The following AHCY variants were observed in gnomAD, a reference collection of about 807,000 sequenced individuals.
AHCY encodes the protein adenosylhomocysteinase.
A neutral mutation model predicts 45.4 loss-of-function variants in AHCY; 24 were observed. The observed-to-expected ratio is 0.53, with a 90% CI of 0.38 to 0.74. AHCY has a LOEUF of 0.74. Ranked by LOEUF, AHCY falls within the 30% of genes least tolerant of loss-of-function variation. The pLI is 0.00. For missense variants in AHCY, 449 were observed against 594.1 expected, an observed-to-expected ratio of 0.76 and a Z score of 2.54; for synonymous variants, 245 against 235.1, an observed-to-expected ratio of 1.04 and a Z score of -0.39.
chr20:34,258,832 T>TTA, the AHCY span, among the ~76,000 whole-genome samples: 2 of 120,320 alleles, frequency 1.7e-5, no homozygotes, highest in Non-Finnish European at 3.4e-5. Context: ...ATATATAGTA[T>TTA]TATATATATA....
In AHCY at chr20:34,292,313, C is replaced by T. The variant is rs745484768; in HGVS notation, c.445+45G>A. The T allele has an allele frequency of 2.5e-6, 4 of 1,601,374 alleles. No individual in the cohort carries two copies. In the Admixed American group the frequency reaches 6.8e-5, roughly 27 times the overall value. ...GGCCATCATGTGGGCAAACAGGCCCCACCCAGGCCACCAGCACCCAGCCCA... is the reference window on the plus strand; with the variant it reads ...GGCCATCATGTGGGCAAACAGGCCCTACCCAGGCCACCAGCACCCAGCCCA... On this transcript the variant is annotated intron_variant, in intron 4 of 9. Coordinates refer to ENST00000217426, the MANE Select transcript of AHCY (RefSeq NM_000687.4).
the AHCY span, among the ~76,000 whole-genome samples, chr20:34,263,420 C>A: frequency 4.6e-5 from 7 of 151,926 alleles, no homozygotes; most frequent in Non-Finnish European, 7.4e-5. Flanking sequence ...CAAAAATTAG[C>A]CAGGCGTGGT....
At chr20:34,245,936 C>T in the AHCY span, 14 of 1,526,828 alleles carry the variant, frequency 9.2e-6, no homozygotes, top group East Asian at 3.1e-4. Flanking sequence ...CCATTAAATA[C>T]AGACAAATTT....
At chr20:34,267,075 A>G in the AHCY span, among the ~76,000 whole-genome samples, 13 of 152,334 alleles carry the variant, frequency 8.5e-5, no homozygotes, top group East Asian at 2.5e-3. Context: ...AGATGAGATT[A>G]TTGACAGATA....
chr20:34,305,007 A>G, upstream of AHCY, among the ~76,000 whole-genome samples: 1 of 150,986 alleles, frequency 6.6e-6, no homozygotes, highest in Non-Finnish European at 1.5e-5. Flanking sequence ...TTTTTAACCT[A>G]AAAATGAGAA....
chr20:34,252,669 C>T, the AHCY span, among the ~76,000 whole-genome samples: 3 of 152,184 alleles, frequency 2.0e-5, no homozygotes, highest in African/African-American at 4.8e-5. Context: ...CCCTCTTTCA[C>T]TACTCCCCCT....
the AHCY span, chr20:34,269,139 C>T: frequency 6.5e-7 from 1 of 1,549,904 alleles, no homozygotes; most frequent in Non-Finnish European, 8.7e-7. Context: ...AGCGCCTGCT[C>T]CTGCCGCGTG....
chr20:34,269,636 G>GA, the AHCY span, among the ~76,000 whole-genome samples: 124 of 146,986 alleles, frequency 8.4e-4, 1 homozygote, highest in East Asian at 6.8e-3. Context: ...CTCCCCAGGG[G>GA]AAAAAAAAAA....
At chr20:34,262,972 C>G in the AHCY span, 18 of 1,517,004 alleles carry the variant, frequency 1.2e-5, no homozygotes, top group Middle Eastern at 3.4e-4. Flanking sequence ...CAACCTCTGG[C>G]TAGGAACTAA....
the AHCY span, chr20:34,246,381 G>T: frequency 7.0e-7 from 1 of 1,434,512 alleles, no homozygotes; most frequent in Non-Finnish European, 9.6e-7. Context: ...TCTAACCATT[G>T]TTTACAATGA....
the AHCY span, among the ~76,000 whole-genome samples, chr20:34,236,232 T>A: frequency 1.3e-5 from 2 of 152,096 alleles, no homozygotes; most frequent in African/African-American, 2.4e-5. Flanking sequence ...TCTAGGTGGT[T>A]TAAATGATTC....
the AHCY span, among the ~76,000 whole-genome samples, chr20:34,262,392 G>A: frequency 2.0e-5 from 3 of 152,206 alleles, no homozygotes; most frequent in African/African-American, 7.2e-5. Flanking sequence ...CCTGGCTCCA[G>A]AGCTCTCAGG....
At chr20:34,249,497 T>C in the AHCY span, among the ~76,000 whole-genome samples, 85 of 152,290 alleles carry the variant, frequency 5.6e-4, no homozygotes, top group East Asian at 0.016. Context: ...ATGATCAGTG[T>C]CAACTTTCTC....
the AHCY span, among the ~76,000 whole-genome samples, chr20:34,258,690 T>TATATATAC: frequency 1.4e-5 from 1 of 72,326 alleles, no homozygotes; most frequent in African/African-American, 7.4e-5. Flanking sequence ...TATATATATA[T>TATATATAC]ACATACTATA....
chr20:34,276,164 G>A (rs1206346779), downstream of AHCY, among the ~76,000 whole-genome samples: 2 of 152,174 alleles, frequency 1.3e-5, no homozygotes, highest in African/African-American at 2.4e-5. Flanking sequence ...CAGGCACAGA[G>A]GCAAATTCTA....
the AHCY span, among the ~76,000 whole-genome samples, chr20:34,250,863 G>T: frequency 6.6e-6 from 1 of 152,048 alleles, no homozygotes; most frequent in Non-Finnish European, 1.5e-5. Flanking sequence ...ATCCCTGAAG[G>T]ATTAAGATAC....
Position 34,310,889 on chromosome 20 carries a change from GC to G in AHCY, c.-57+582del, listed in dbSNP as rs1314423547. Among the ~76,000 whole-genome samples, 3 of 152,170 alleles carry G rather than the reference GC, an allele frequency of 2.0e-5. No homozygotes were observed. The East Asian group carries it at 5.8e-4, about 29-fold the overall frequency. ...GTCTGTAATCCCAGCACTTTGGAAG[GC>G]TGATTCGGGCGGGTCACCTGAGGTC... On this transcript the variant is annotated intron_variant, in intron 1 of 9. Coordinates refer to the AHCY transcript ENST00000538132.
chr20:34,239,772 G>T, the AHCY span, among the ~76,000 whole-genome samples: 1 of 152,110 alleles, frequency 6.6e-6, no homozygotes, highest in African/African-American at 2.4e-5. Context: ...AAAAGAAATT[G>T]GTTCCTAGAA....
rs75334389 is a variant in AHCY at position 34,299,240 on chromosome 20, CCTT to C, written c.29-3658_29-3656del. On this transcript the variant is annotated intron_variant, in intron 1 of 9. Coordinates refer to ENST00000217426, the MANE Select transcript of AHCY (RefSeq NM_000687.4). ...GGCCTGATTCCATATCCCCTCTCCT[CCTT>C]AAGGACTTCCATACTCCACTAAAAC... Among the ~76,000 whole-genome samples, 418 of 152,246 alleles carry C rather than the reference CCTT, an allele frequency of 2.7e-3. 16 individuals are homozygous for C. In the East Asian group the frequency reaches 0.073, roughly 27 times the overall value.
Sources: allele counts gnomAD v4.1 joint callset (sites outside exome capture counted in the v4.1 genomes callset), GRCh38; gene constraint gnomAD v4.1.1; transcripts MANE v1.5; gene names NCBI Gene and HGNC (gene_info 2026-07-23, HGNC 2026-07-21).